The following RBMS3 variants were observed in gnomAD, a reference collection of about 807,000 sequenced individuals.
RBMS3 encodes RNA binding motif single stranded interacting protein 3, also known as RNA-binding motif, single-stranded-interacting protein 3.
In RBMS3, 27 loss-of-function variants were observed where a neutral mutation model predicts 66.8. That is an observed-to-expected ratio of 0.40 (90% CI 0.30 to 0.56). RBMS3 has a LOEUF of 0.56. Ranked by LOEUF, RBMS3 falls within the 20% of genes least tolerant of loss-of-function variation. The pLI, the probability that RBMS3 is intolerant of heterozygous loss-of-function variation, is 0.40. For synonymous variants in RBMS3, 188 were observed against 183.0 expected (o/e 1.03, Z -0.22); for missense variants, 513 against 549.5 (o/e 0.93, Z 0.66).
At chr3:29,380,873 T>C (rs2038731584) in intron 1 of RBMS3, among the ~76,000 whole-genome samples, 1 of 152,198 alleles carries the variant, frequency 6.6e-6, no homozygotes, top group African/African-American at 2.4e-5. Context: ...ATGAACTACA[T>C]ATGAGTCAGG....
chr3:29,426,308 C>T (rs1241276204), intron 1 of RBMS3, among the ~76,000 whole-genome samples: 1 of 152,110 alleles, frequency 6.6e-6, no homozygotes, highest in East Asian at 1.9e-4. Context: ...ATTTATAGCA[C>T]CACTTTTTGC....
chr3:29,774,361 A>C (rs1410373193), intron 6 of RBMS3, among the ~76,000 whole-genome samples: 2 of 152,042 alleles, frequency 1.3e-5, no homozygotes, highest in African/African-American at 4.8e-5. Context: ...GTCTCCTGTG[A>C]GTGAGCAATC....
chr3:29,933,481 C>G (rs1438813497), intron 10 of RBMS3, among the ~76,000 whole-genome samples: 2 of 152,028 alleles, frequency 1.3e-5, no homozygotes, highest in Non-Finnish European at 2.9e-5. Flanking sequence ...CCCAGGAGTT[C>G]CTATTAGTTA....
chr3:29,976,698 T>C (rs1440994664), intron 12 of RBMS3, among the ~76,000 whole-genome samples: 3 of 152,046 alleles, frequency 2.0e-5, no homozygotes, highest in African/African-American at 2.4e-5. Flanking sequence ...TATAAAACAT[T>C]CTTAGAATTT....
chr3:29,397,690 C>T (rs1021450240), intron 1 of RBMS3, among the ~76,000 whole-genome samples: 4 of 152,086 alleles, frequency 2.6e-5, no homozygotes, highest in African/African-American at 9.7e-5. Flanking sequence ...TCACCCCTCC[C>T]CCTTACAGCT....
chr3:29,691,438 A>G (rs901442514), intron 4 of RBMS3, among the ~76,000 whole-genome samples: 2 of 152,108 alleles, frequency 1.3e-5, no homozygotes, highest in Non-Finnish European at 2.9e-5. Context: ...TTAAGAAATA[A>G]TAGCACACAC....
intron 4 of RBMS3, among the ~76,000 whole-genome samples, chr3:29,622,679 C>G (rs2048908055): frequency 6.6e-6 from 1 of 152,156 alleles, no homozygotes; most frequent in South Asian, 2.1e-4. Flanking sequence ...TAATGCCAAA[C>G]ATGAAGACAC....
At chr3:29,910,078 T>C (rs923517266) in intron 10 of RBMS3, among the ~76,000 whole-genome samples, 4 of 152,092 alleles carry the variant, frequency 2.6e-5, no homozygotes, top group African/African-American at 9.7e-5. Flanking sequence ...TGATGTTACT[T>C]CCTTAATAGC....
At chr3:29,582,185 GATAGATAGA>G (rs2047354909) in intron 3 of RBMS3, among the ~76,000 whole-genome samples, 1 of 150,944 alleles carries the variant, frequency 6.6e-6, no homozygotes, top group Non-Finnish European at 1.5e-5. Context: ...TAGATAGATA[GATAGATAGA>G]TACACACACA....
intron 4 of RBMS3, among the ~76,000 whole-genome samples, chr3:29,665,108 C>T (rs968253573): frequency 6.6e-6 from 1 of 152,070 alleles, no homozygotes; most frequent in African/African-American, 2.4e-5. Flanking sequence ...ATGCTAGTAA[C>T]CAGAATTAAG....
At chr3:29,662,539 G>A (rs1334334922) in intron 4 of RBMS3, among the ~76,000 whole-genome samples, 2 of 152,220 alleles carry the variant, frequency 1.3e-5, no homozygotes, top group African/African-American at 4.8e-5. Context: ...AAAAGTTAGT[G>A]ACAGAGCCAA....
chr3:29,496,186 C>A (rs141272735), intron 3 of RBMS3, among the ~76,000 whole-genome samples: 4 of 130,800 alleles, frequency 3.1e-5, no homozygotes, highest in Non-Finnish European at 6.3e-5. Context: ...AGGTATACCC[C>A]GCCCACATCA....
At chr3:29,284,862 C>T (rs11129358) in intron 1 of RBMS3, among the ~76,000 whole-genome samples, 294 of 112,672 alleles carry the variant, frequency 2.6e-3, no homozygotes, top group Middle Eastern at 0.013. Context: ...ATGAATTTTT[C>T]TTTTTTTTTT....
At chr3:29,564,504 T>A (rs1006092539) in intron 3 of RBMS3, among the ~76,000 whole-genome samples, 2 of 150,264 alleles carry the variant, frequency 1.3e-5, no homozygotes, top group African/African-American at 2.4e-5. Context: ...AAAAAAAAAA[T>A]TTAGTTCTCT....
chr3:29,294,121 T>A (rs1452649808), intron 1 of RBMS3, among the ~76,000 whole-genome samples: 2 of 151,818 alleles, frequency 1.3e-5, no homozygotes, highest in Non-Finnish European at 2.9e-5. Flanking sequence ...TGATGCAGAT[T>A]AAGGTCATAA....
chr3:29,772,155 A>C (rs902656988), intron 6 of RBMS3, among the ~76,000 whole-genome samples: 1 of 151,982 alleles, frequency 6.6e-6, no homozygotes. Context: ...GAAGCTGAAA[A>C]AGGCAAAGAC....
intron 5 of RBMS3, 108 bp downstream of exon 5, chr3:29,739,985 AAAAAATT>A: frequency 1.0e-6 from 1 of 969,004 alleles, no homozygotes; most frequent in Non-Finnish European, 1.4e-6. Flanking sequence ...AAAAAAAAAA[AAAAAATT>A]AAAAGTAGCT....
At chr3:29,895,923 TATTTTCTC>T (rs1283191873) in intron 8 of RBMS3, among the ~76,000 whole-genome samples, 2 of 151,390 alleles carry the variant, frequency 1.3e-5, no homozygotes, top group African/African-American at 2.4e-5. Context: ...AACAACTTTG[TATTTTCTC>T]TTTTTGTCAT....
intron 1 of RBMS3, among the ~76,000 whole-genome samples, chr3:29,356,185 G>T (rs144351186): frequency 6.6e-6 from 1 of 152,124 alleles, no homozygotes; most frequent in African/African-American, 2.4e-5. Context: ...TACTGTAGAC[G>T]TGGAAGGGTG....
Sources: gnomAD v4.1 joint callset for allele counts (sites outside exome capture counted in the v4.1 genomes callset) on GRCh38, gnomAD v4.1.1 for gene constraint, MANE v1.5 for transcripts, NCBI Gene and HGNC (gene_info 2026-07-23, HGNC 2026-07-21) for gene names.